SOX5: variants seen among roughly 807,000 people sequenced by gnomAD.
SOX5 encodes the protein SRY-box transcription factor 5.
In SOX5, 9 loss-of-function variants were observed where a neutral mutation model predicts 92.0. That is an observed-to-expected ratio of 0.10 (90% confidence interval 0.06 to 0.17). The LOEUF (loss-of-function observed/expected upper bound fraction) is 0.17, where lower values mean the gene tolerates loss of function less well. Among genes scored for constraint, SOX5 ranks in the 10% least tolerant of loss-of-function variants. The probability of loss-of-function intolerance (pLI) is 1.00; values close to 1 mark genes in which losing one functional copy is unlikely to be tolerated. For synonymous variants in SOX5, 344 were observed against 336.3 expected (o/e 1.02, Z -0.25); for missense variants, 642 against 944.5 (o/e 0.68, Z 4.20).
intron 7 of SOX5, among the ~76,000 whole-genome samples, chr12:23,655,930 C>T (rs2082248795): frequency 6.6e-6 from 1 of 152,020 alleles, no homozygotes; most frequent in Admixed American, 6.6e-5. Flanking sequence ...TTAATAGTTT[C>T]ACAACAGGAG....
chr12:24,312,426 A>G (rs905007183), intron 2 of SOX5, among the ~76,000 whole-genome samples: 5 of 152,150 alleles, frequency 3.3e-5, no homozygotes, highest in African/African-American at 1.2e-4. Flanking sequence ...TGAATTAGCA[A>G]CCTGCCATTT....
chr12:23,999,866 T>C (rs747717472), intron 4 of SOX5, among the ~76,000 whole-genome samples: 52 of 151,942 alleles, frequency 3.4e-4, no homozygotes, highest in Non-Finnish European at 5.5e-4. Context: ...ACCTTCCTTA[T>C]AATAAATACT....
At chr12:24,453,334 G>A (rs1038513379) in intron 1 of SOX5, among the ~76,000 whole-genome samples, 3 of 152,132 alleles carry the variant, frequency 2.0e-5, no homozygotes, top group Non-Finnish European at 4.4e-5. Context: ...GAGCAAAAGT[G>A]CATGCTGAAG....
chr12:24,319,134 C>T (rs1949976463), intron 2 of SOX5, among the ~76,000 whole-genome samples: 1 of 152,194 alleles, frequency 6.6e-6, no homozygotes. Flanking sequence ...GCTCTAGATG[C>T]CATGCTCTTC....
chr12:23,774,930 G>A (rs937553997), intron 3 of SOX5, among the ~76,000 whole-genome samples: 1 of 152,104 alleles, frequency 6.6e-6, no homozygotes, highest in African/African-American at 2.4e-5. Context: ...TTTTTTTCCA[G>A]TGATGCTCTT....
Position 24,173,150 on chromosome 12 carries a change from G to A in SOX5, c.-2+40193C>T, listed in dbSNP as rs572112132. Among the ~76,000 whole-genome samples, 13 of 152,212 alleles carry A rather than the reference G, an allele frequency of 8.5e-5. No individual in the cohort carries two copies. The East Asian group carries it at 2.3e-3, about 27-fold the overall frequency. On this transcript the variant is annotated intron_variant, in intron 4 of 4. Transcript: ENST00000446891. Reference sequence around the variant, plus strand: ...CTCCTTTCACCTCATCTAACCCATCGCATCGTCCCACCCTCTCGCACATGT... The same window carrying A: ...CTCCTTTCACCTCATCTAACCCATCACATCGTCCCACCCTCTCGCACATGT...
chr12:24,267,324 A>G (rs150510992), intron 3 of SOX5, among the ~76,000 whole-genome samples: 181 of 152,336 alleles, frequency 1.2e-3, no homozygotes, highest in African/African-American at 4.0e-3. Context: ...ATTTTGCTAT[A>G]TCATAGAATA....
At chr12:24,523,814 CT>C (rs1950462812) in intron 1 of SOX5, among the ~76,000 whole-genome samples, 1 of 152,252 alleles carries the variant, frequency 6.6e-6, no homozygotes, top group East Asian at 1.9e-4. Context: ...AAGGGAAAAT[CT>C]TTGTGACATC....
rs1360578661 is a variant in SOX5 at position 24,307,747 on chromosome 12, C to A, written c.-173-30435G>T. ...GACACAGAAAAAGTATTATTGGATT[C>A]TTCAGGTGGCCTAATGGAAGGAAGG... On this transcript the variant is annotated intron_variant, in intron 2 of 4. Coordinates refer to the SOX5 transcript ENST00000446891. Among the ~76,000 whole-genome samples, 2 of 10,112 alleles carry A rather than the reference C, an allele frequency of 2.0e-4. 1 individual carries two copies. The highest frequency in any genetic ancestry group is 3.0e-4 in the African/African-American group (2 of 6,614). 6.6% of individuals were successfully genotyped at this position (10,112 alleles called of 152,430 possible).
chr12:23,641,404 G>A (rs1293677965), intron 7 of SOX5, among the ~76,000 whole-genome samples: 3 of 152,008 alleles, frequency 2.0e-5, no homozygotes, highest in South Asian at 2.1e-4. Flanking sequence ...AATTAACAAC[G>A]AAGAAAACAT....
chr12:23,931,951 G>A (rs1339017308), intron 1 of SOX5, among the ~76,000 whole-genome samples: 1 of 151,408 alleles, frequency 6.6e-6, no homozygotes, highest in Admixed American at 6.6e-5. Context: ...CTTGAACTAA[G>A]GAAGCCCTAT....
intron 9 of SOX5, among the ~76,000 whole-genome samples, chr12:23,591,615 A>G (rs1179362985): frequency 1.3e-5 from 2 of 152,114 alleles, no homozygotes; most frequent in African/African-American, 4.8e-5. Flanking sequence ...CGACAGTGCT[A>G]TTTGCATGAA....
At chr12:23,640,067 A>G (rs1459200505) in intron 8 of SOX5, among the ~76,000 whole-genome samples, 1 of 152,216 alleles carries the variant, frequency 6.6e-6, no homozygotes, top group Admixed American at 6.5e-5. Context: ...CGTTAATTGC[A>G]TAATCACAGG....
chr12:24,006,687 A>C (rs1952207231), intron 4 of SOX5, among the ~76,000 whole-genome samples: 1 of 151,938 alleles, frequency 6.6e-6, no homozygotes, highest in Non-Finnish European at 1.5e-5. Context: ...ATATTCTCCG[A>C]TATTACCTTT....
chr12:24,320,878 A>C (rs519029), intron 2 of SOX5, among the ~76,000 whole-genome samples: 18,914 of 145,618 alleles, frequency 0.13, 1,563 homozygotes, highest in South Asian at 0.18. Flanking sequence ...AAAAAATAAT[A>C]ATAATAATAA....
chr12:24,212,500 G>A (rs777936977), intron 4 of SOX5: 2 of 533,090 alleles, frequency 3.8e-6, no homozygotes, highest in Non-Finnish European at 7.7e-6. Context: ...AACACGGGAG[G>A]GGTTACAAGG....
intron 3 of SOX5, among the ~76,000 whole-genome samples, chr12:23,802,823 A>G (rs1260119838): frequency 1.3e-5 from 2 of 152,188 alleles, no homozygotes; most frequent in African/African-American, 2.4e-5. Flanking sequence ...ATAATTTACC[A>G]TCTTATTGTG....
At chr12:23,647,204 TG>T (rs2080972073) in intron 7 of SOX5, among the ~76,000 whole-genome samples, 1 of 152,174 alleles carries the variant, frequency 6.6e-6, no homozygotes. Context: ...TCAGAGTTCT[TG>T]GGTGACTGGG....
intron 3 of SOX5, among the ~76,000 whole-genome samples, chr12:23,823,822 CT>C (rs534826268): frequency 2.6e-5 from 4 of 152,288 alleles, no homozygotes; most frequent in South Asian, 4.1e-4. Context: ...CCATTTCATT[CT>C]TTTTTCTCTA....
Sources: allele counts gnomAD v4.1 joint callset (sites outside exome capture counted in the v4.1 genomes callset), GRCh38; gene constraint gnomAD v4.1.1; transcripts MANE v1.5; gene names NCBI Gene and HGNC (gene_info 2026-07-23, HGNC 2026-07-21).